The following CNTLN variants were observed in gnomAD, a reference collection of about 807,000 sequenced individuals.
CNTLN encodes the protein centlein, centrosomal protein.
CNTLN carries 212 observed loss-of-function variants against 180.0 expected under a neutral mutation model. The observed-to-expected ratio is 1.18, with a 90% CI of 1.05 to 1.32. CNTLN has a LOEUF of 1.32. CNTLN is among the 40% of genes most tolerant of loss of function. The pLI, the probability that CNTLN is intolerant of heterozygous loss-of-function variation, is 0.00. For missense variants in CNTLN, 2,095 were observed against 1,610.9 expected (o/e 1.30, Z -5.14); for synonymous variants, 722 against 563.1 (o/e 1.28, Z -3.99).
At chr9:17,226,118 A>G (rs1484531351) in intron 2 of CNTLN, 85 bp from the exon 3 acceptor site, 2 of 642,120 alleles carry the variant, frequency 3.1e-6, no homozygotes, top group Non-Finnish European at 5.1e-6. Context: ...TCTATATTTT[A>G]AAGTGATATT....
chr9:17,213,454 C>G (rs918779628), intron 2 of CNTLN, among the ~76,000 whole-genome samples: 1 of 152,136 alleles, frequency 6.6e-6, no homozygotes, highest in African/African-American at 2.4e-5. Flanking sequence ...TTTACATTTG[C>G]TGAGGAGTTC....
chr9:17,267,435 T>A (rs999865655), intron 5 of CNTLN, among the ~76,000 whole-genome samples: 2 of 152,176 alleles, frequency 1.3e-5, no homozygotes, highest in Admixed American at 6.5e-5. Context: ...CTTCCCTTTG[T>A]GGGTAACCCG....
intron 5 of CNTLN, among the ~76,000 whole-genome samples, chr9:17,270,947 C>CTTTTTTTTTTTTTTTT (rs78896738): frequency 8.2e-6 from 1 of 122,156 alleles, no homozygotes; most frequent in East Asian, 2.6e-4. Context: ...GAGAGGAGTT[C>CTTTTTTTTTTTTTTTT]TTTTTTTTTT....
intron 15 of CNTLN, among the ~76,000 whole-genome samples, chr9:17,406,287 T>C (rs1286129469): frequency 6.6e-6 from 1 of 151,894 alleles, no homozygotes; most frequent in African/African-American, 2.4e-5. Flanking sequence ...ATCACTCTTA[T>C]ATCTATCATC....
chr9:17,266,647 C>G (rs1451736191), intron 5 of CNTLN, among the ~76,000 whole-genome samples: 1 of 152,114 alleles, frequency 6.6e-6, no homozygotes, highest in African/African-American at 2.4e-5. Context: ...ATGTTATAGT[C>G]TCCCATTATT....
chr9:17,465,923 A>G lies in CNTLN; in HGVS notation c.3532-58A>G, dbSNP rs528690867. 2.9e-5 allele frequency: 39 copies of G among 1,365,032 alleles called. No homozygotes were observed. In the African/African-American group the frequency reaches 4.9e-4, roughly 17 times the overall value. 84.6% of individuals were successfully genotyped at this position (1,365,032 alleles called of 1,614,324 possible). A position where few individuals can be genotyped will look rare whatever the true frequency, so the allele number is the denominator to read the frequency against. On this transcript the variant is annotated intron_variant, in intron 21 of 25. Transcript: ENST00000380647. ...TCATTTAGTTTCTGTTGGAACAAAC[A>G]CAGTATATTACTAGAATGCCTTCAA... is the stretch of plus-strand genomic sequence containing the variant.
intron 6 of CNTLN, among the ~76,000 whole-genome samples, chr9:17,285,163 C>A (rs1255390527): frequency 1.7e-5 from 2 of 114,714 alleles, no homozygotes; most frequent in East Asian, 6.0e-4. Context: ...CCTCCCCCCA[C>A]CCCACCACAG....
intron 12 of CNTLN, among the ~76,000 whole-genome samples, chr9:17,363,004 T>C (rs1353374534): frequency 6.6e-6 from 1 of 152,184 alleles, no homozygotes; most frequent in Non-Finnish European, 1.5e-5. Context: ...TTTTCTGTTT[T>C]GTTAGTTTGC....
intron 18 of CNTLN, among the ~76,000 whole-genome samples, chr9:17,436,417 C>A (rs1045745113): frequency 6.6e-6 from 1 of 152,182 alleles, no homozygotes; most frequent in Non-Finnish European, 1.5e-5. Context: ...ACCAAATAAT[C>A]TTAAATTAGT....
intron 6 of CNTLN, among the ~76,000 whole-genome samples, chr9:17,291,388 A>G (rs1027934946): frequency 2.6e-5 from 4 of 152,104 alleles, no homozygotes; most frequent in East Asian, 1.9e-4. Flanking sequence ...TGATCTGTCT[A>G]ATATTGACAG....
rs1394476360 is a variant in CNTLN at position 17,137,032 on chromosome 9, A to G, written c.360+1607A>G. ...ATACTTTTTTATGACCGACTTGGTT[A>G]AGGAAGTCAGTCTATTGGAAACAGC... On this transcript the variant is annotated intron_variant, in intron 1 of 25. Transcript: ENST00000380647. 2.2e-4 allele frequency among the ~76,000 whole-genome samples: 33 copies of G among 152,164 alleles called. 1 individual carries two copies. Among genetic ancestry groups the G allele is most frequent in the Admixed American group, 2.2e-3 (33 of 15,278 alleles).
intron 5 of CNTLN, among the ~76,000 whole-genome samples, chr9:17,250,182 C>T (rs997802448): frequency 1.6e-4 from 25 of 151,814 alleles, no homozygotes; most frequent in Admixed American, 1.2e-3. Flanking sequence ...ATGTCTACCC[C>T]AGCTCTCTTC....
At chr9:17,296,582 G>T (rs1454924708) in intron 6 of CNTLN, among the ~76,000 whole-genome samples, 1 of 151,934 alleles carries the variant, frequency 6.6e-6, no homozygotes, top group African/African-American at 2.4e-5. Flanking sequence ...GCCCTGTTGC[G>T]TATTTCCTTT....
Position 17,135,127 on chromosome 9 carries a change from G to T in CNTLN, c.62G>T (p.Arg21Met). The change falls in exon 1 of 26, where the codon AGG becomes ATG. Residue 21 changes from arginine to methionine, a missense_variant. By Grantham distance (91) the Arg-to-Met change is moderately conservative. Coordinates refer to ENST00000380647, the MANE Select transcript of CNTLN (RefSeq NM_017738.4). The stretch of plus-strand genomic sequence containing the variant: ...CCCCCAGCGCGACAGCTGGGCCCCA[G>T]GTCCCCACGTGTTGGGCGGGGAGCT... Reference protein sequence around the residue: ...PSPPARQLGPRSPRVGRGAEV... With the variant: ...PSPPARQLGPMSPRVGRGAEV... The T allele has an allele frequency of 6.2e-7, 1 of 1,607,282 alleles. No individual in the cohort carries two copies. Among genetic ancestry groups the T allele is most frequent in the South Asian group, 1.1e-5 (1 of 89,592 alleles).
chr9:17,226,343 C>G (rs1587243240), intron 3 of CNTLN, 56 bp downstream of exon 3: 1 of 935,040 alleles, frequency 1.1e-6, no homozygotes, highest in Non-Finnish European at 1.5e-6. Context: ...GGTAGTAGAT[C>G]TTCAAAATTA....
rs186366849 is a variant in CNTLN, at chr9:17,310,194, C to G, written c.1341+942C>G. 9.2e-5 allele frequency among the ~76,000 whole-genome samples: 14 copies of G among 152,230 alleles called. No homozygotes were observed. The East Asian group carries it at 2.1e-3, about 23-fold the overall frequency. ...GATCATTACAAATGGCTTACATCCA[C>G]TTGTATGTGCTTTGATTCTCTTACA... is the stretch of plus-strand genomic sequence containing the variant. On this transcript the variant is annotated intron_variant, in intron 8 of 25. Transcript: ENST00000380647.
At chr9:17,195,446 C>G (rs116589810) in intron 2 of CNTLN, among the ~76,000 whole-genome samples, 4,463 of 152,144 alleles carry the variant, frequency 0.029, 202 homozygotes, top group African/African-American at 0.1. Flanking sequence ...GATATACTTT[C>G]CCATCTCAGA....
intron 2 of CNTLN, among the ~76,000 whole-genome samples, chr9:17,214,694 A>T (rs969992315): frequency 2.0e-5 from 3 of 152,174 alleles, no homozygotes; most frequent in Admixed American, 6.5e-5. Context: ...AGGTACACCA[A>T]TTAGATGTAG....
At chr9:17,467,266 A>G (rs1048433228) in intron 23 of CNTLN, among the ~76,000 whole-genome samples, 2 of 151,526 alleles carry the variant, frequency 1.3e-5, no homozygotes, top group African/African-American at 4.8e-5. Context: ...GCTAAGAGAC[A>G]TCTGAATCCC....
Sources: gnomAD v4.1 joint callset for allele counts (sites outside exome capture counted in the v4.1 genomes callset) on GRCh38, gnomAD v4.1.1 for gene constraint, MANE v1.5 for transcripts, NCBI Gene and HGNC (gene_info 2026-07-23, HGNC 2026-07-21) for gene names.